The following KIF18A variants were observed in gnomAD, a reference collection of about 807,000 sequenced individuals.
KIF18A encodes kinesin family member 18A.
In KIF18A, 67 loss-of-function variants were observed where a neutral mutation model predicts 103.3. That is an observed-to-expected ratio of 0.65 (90% CI 0.53 to 0.79). The LOEUF is 0.79. Among genes scored for constraint, KIF18A ranks in the 30% least tolerant of loss-of-function variants. The pLI is 0.00. For synonymous variants in KIF18A, 367 were observed against 355.5 expected (o/e 1.03, Z -0.36); for missense variants, 1,032 against 1,062.5 (o/e 0.97, Z 0.40).
intron 13 of KIF18A, among the ~76,000 whole-genome samples, chr11:28,047,055 A>AG (rs1437292008): frequency 4.5e-5 from 5 of 110,052 alleles, no homozygotes; most frequent in South Asian, 3.5e-4. Context: ...ACTTCGTCTC[A>AG]GAAAAAAAAA....
chr11:28,052,762 A>G (rs1255795579), intron 13 of KIF18A, among the ~76,000 whole-genome samples: 4 of 152,082 alleles, frequency 2.6e-5, no homozygotes, highest in African/African-American at 9.7e-5. Context: ...TTTGATCCCT[A>G]TCATCAGACA....
chr11:28,077,035 A>G lies in KIF18A; in HGVS notation c.1397T>C (p.Met466Thr), dbSNP rs1159290019. The G allele has an allele frequency of 6.4e-7, 1 of 1,558,718 alleles. No individual in the cohort carries two copies. Among genetic ancestry groups the G allele is most frequent in the Non-Finnish European group, 8.7e-7 (1 of 1,153,804 alleles). Reference sequence around the variant, plus strand: ...TTCTACTTTGTCTTCAGAACACATCATTTCTATTTGTTTATGGCACTGTTG... The same window carrying G: ...TTCTACTTTGTCTTCAGAACACATCGTTTCTATTTGTTTATGGCACTGTTG... The part of the protein sequence containing the change: ...YQQQCHKQIE[M>T]MCSEDKVEKA... Residue 466 changes from methionine (M) to threonine (T), a missense_variant, in exon 10 of 17, where the codon ATG (methionine) becomes ACG (threonine). Coordinates refer to ENST00000263181, the MANE Select transcript of KIF18A (RefSeq NM_031217.4).
chr11:28,086,979 A>T (rs188479070), intron 6 of KIF18A, among the ~76,000 whole-genome samples: 87 of 149,340 alleles, frequency 5.8e-4, no homozygotes, highest in South Asian at 2.3e-3. Context: ...GCCTTTTTTT[A>T]AAAAAAAAAC....
At chr11:28,057,845 T>C (rs533665519) in intron 13 of KIF18A, among the ~76,000 whole-genome samples, 34 of 152,218 alleles carry the variant, frequency 2.2e-4, no homozygotes, top group African/African-American at 7.7e-4. Flanking sequence ...AAAAATGAGG[T>C]AGATTCTTCA....
At chr11:28,032,548 C>T (rs1203084696) in intron 15 of KIF18A, among the ~76,000 whole-genome samples, 1 of 151,756 alleles carries the variant, frequency 6.6e-6, no homozygotes, top group East Asian at 1.9e-4. Context: ...GAATAGAGAG[C>T]CCCAAAATAA....
rs998883314 is a variant in KIF18A at position 28,058,868 on chromosome 11, A to T, written c.1948+58T>A. ...AATTAACTGTTCTATAGATTGATAT[A>T]CAAAGGTTCTCTTTAGAAATAATGT... On this transcript the variant is annotated intron_variant, in intron 13 of 16. Transcript: ENST00000263181. 1.4e-5 allele frequency: 18 copies of T among 1,291,508 alleles called. No individual in the cohort carries two copies. In the Admixed American group the frequency reaches 3.0e-4, roughly 22 times the overall value. 80.0% of individuals were successfully genotyped at this position (1,291,508 alleles called of 1,614,324 possible).
At chr11:28,081,387 T>TG (rs780330834) in intron 9 of KIF18A, among the ~76,000 whole-genome samples, 1 of 152,264 alleles carries the variant, frequency 6.6e-6, no homozygotes, top group East Asian at 1.9e-4. Context: ...CTTTTGCAGC[T>TG]GGTGACTTTA....
At chr11:28,088,097 AAC>A (rs1436249472) in intron 6 of KIF18A, among the ~76,000 whole-genome samples, 1 of 152,016 alleles carries the variant, frequency 6.6e-6, no homozygotes, top group Non-Finnish European at 1.5e-5. Context: ...AAAAAAAATC[AAC>A]ACTCTTTAAT....
chr11:28,024,764 G>T (rs976217357), intron 15 of KIF18A, among the ~76,000 whole-genome samples: 1 of 151,702 alleles, frequency 6.6e-6, no homozygotes, highest in African/African-American at 2.4e-5. Context: ...GGTAGGATTG[G>T]GGGGGGTTGG....
intron 14 of KIF18A, among the ~76,000 whole-genome samples, chr11:28,035,870 G>C (rs1339275459): frequency 6.6e-6 from 1 of 151,468 alleles, no homozygotes; most frequent in Non-Finnish European, 1.5e-5. Context: ...AACATCAATA[G>C]AAAGTGTGAA....
intron 7 of KIF18A, among the ~76,000 whole-genome samples, chr11:28,084,093 A>G (rs995803424): frequency 6.6e-6 from 1 of 152,166 alleles, no homozygotes; most frequent in Non-Finnish European, 1.5e-5. Context: ...TATTATTATT[A>G]TATTTCTGGA....
chr11:28,052,214 C>T (rs1850719596), intron 13 of KIF18A, among the ~76,000 whole-genome samples: 1 of 152,050 alleles, frequency 6.6e-6, no homozygotes, highest in African/African-American at 2.4e-5. Context: ...TCTATTCTCA[C>T]CACAGCAGTC....
At chr11:28,066,013 A>T (rs1356683043) in intron 11 of KIF18A, among the ~76,000 whole-genome samples, 1 of 152,050 alleles carries the variant, frequency 6.6e-6, no homozygotes, top group Non-Finnish European at 1.5e-5. Context: ...CTTCTTGAGA[A>T]AATTTTTGCC....
At chr11:28,097,015 C>G (rs1851384572) in intron 2 of KIF18A, among the ~76,000 whole-genome samples, 1 of 151,960 alleles carries the variant, frequency 6.6e-6, no homozygotes, top group Non-Finnish European at 1.5e-5. Flanking sequence ...ACTTTTACCC[C>G]CTTTCCAATT....
At chr11:28,096,707 A>G (rs1851380238) in intron 2 of KIF18A, among the ~76,000 whole-genome samples, 1 of 152,146 alleles carries the variant, frequency 6.6e-6, no homozygotes, top group Admixed American at 6.6e-5. Flanking sequence ...TCCATGATAA[A>G]ACTGAAATGA....
chr11:28,075,064 A>G (rs1017044715), intron 10 of KIF18A, among the ~76,000 whole-genome samples: 4 of 152,190 alleles, frequency 2.6e-5, no homozygotes, highest in African/African-American at 7.2e-5. Flanking sequence ...TTAGTCCTAG[A>G]TAATTCTCAA....
chr11:28,103,022 G>T (rs1478691857), intron 1 of KIF18A, among the ~76,000 whole-genome samples: 1 of 152,128 alleles, frequency 6.6e-6, no homozygotes, highest in African/African-American at 2.4e-5. Flanking sequence ...TTTTCAGACA[G>T]CTGTTCAGAA....
At position 28,084,507 on chromosome 11, in the gene KIF18A, C is replaced by T. The variant is rs1474238187; in HGVS notation, c.1074+125G>A. The stretch of plus-strand genomic sequence containing the variant: ...TTCGACTAAGCAGGTTAGCAAAGAC[C>T]CTTCTAACCCTCAGCTGCCTAACTC... On this transcript the variant is annotated intron_variant, in intron 7 of 16. Transcript: ENST00000263181. 1.7e-5 allele frequency: 11 copies of T among 638,928 alleles called. No homozygotes were observed. The Admixed American group carries it at 3.3e-4, about 19-fold the overall frequency. 39.6% of individuals were successfully genotyped at this position (638,928 alleles called of 1,614,324 possible).
chr11:28,024,190 T>A (rs1396631024), intron 15 of KIF18A, among the ~76,000 whole-genome samples: 3 of 70,974 alleles, frequency 4.2e-5, no homozygotes, highest in South Asian at 3.5e-4. Context: ...TCACAAGAGG[T>A]TAAAAAAAAA....
Sources: allele counts gnomAD v4.1 joint callset (sites outside exome capture counted in the v4.1 genomes callset), GRCh38; gene constraint gnomAD v4.1.1; transcripts MANE v1.5; gene names NCBI Gene and HGNC (gene_info 2026-07-23, HGNC 2026-07-21).